Variants in EXOC6B observed in about 807,000 individuals in gnomAD.
EXOC6B encodes SEC15 homolog B.
In EXOC6B, 54 loss-of-function variants were observed where a neutral mutation model predicts 113.5. The observed-to-expected ratio is 0.48, with a 90% CI of 0.38 to 0.60. EXOC6B has a LOEUF of 0.60. EXOC6B is among the 20% of genes least tolerant of loss of function. EXOC6B has a pLI of 0.00. For missense variants in EXOC6B, 797 were observed against 977.5 expected (o/e 0.82, Z 2.46); for synonymous variants, 357 against 339.0 (o/e 1.05, Z -0.58).
At chr2:72,665,326 C>T (rs1675312858) in intron 6 of EXOC6B, among the ~76,000 whole-genome samples, 1 of 152,080 alleles carries the variant, frequency 6.6e-6, no homozygotes, top group Non-Finnish European at 1.5e-5. Context: ...AAGAGGTTGA[C>T]ATGCAAATTC....
chr2:72,465,995 C>T (rs538950609), intron 17 of EXOC6B, among the ~76,000 whole-genome samples: 2 of 152,264 alleles, frequency 1.3e-5, no homozygotes, highest in East Asian at 3.9e-4. Context: ...CAAAATCATT[C>T]TAATTCAACA....
chr2:72,302,789 C>T (rs554920298), intron 20 of EXOC6B, among the ~76,000 whole-genome samples: 2 of 151,958 alleles, frequency 1.3e-5, no homozygotes, highest in East Asian at 3.9e-4. Flanking sequence ...TTCAGCTTGC[C>T]ACTCCGTGCC....
At chr2:72,451,411 G>A (rs1696905700) in intron 18 of EXOC6B, among the ~76,000 whole-genome samples, 1 of 151,936 alleles carries the variant, frequency 6.6e-6, no homozygotes, top group Non-Finnish European at 1.5e-5. Flanking sequence ...AAAAATAGTA[G>A]GCCAATAAAA....
intron 6 of EXOC6B, among the ~76,000 whole-genome samples, chr2:72,630,516 C>T (rs1672319707): frequency 6.6e-6 from 1 of 152,120 alleles, no homozygotes; most frequent in South Asian, 2.1e-4. Context: ...ACTGAATATG[C>T]AAAACCTGTC....
intron 18 of EXOC6B, among the ~76,000 whole-genome samples, chr2:72,416,016 G>A (rs530754243): frequency 6.6e-6 from 1 of 152,132 alleles, no homozygotes; most frequent in African/African-American, 2.4e-5. Flanking sequence ...CAACTACAAG[G>A]GTTTATTTCT....
At chr2:72,518,530 G>A (rs1396187465) in intron 8 of EXOC6B, among the ~76,000 whole-genome samples, 1 of 151,508 alleles carries the variant, frequency 6.6e-6, no homozygotes, top group African/African-American at 2.4e-5. Flanking sequence ...GGTGGGTGGG[G>A]GAAGTGTCAA....
intron 20 of EXOC6B, among the ~76,000 whole-genome samples, chr2:72,260,701 T>C (rs986977872): frequency 6.6e-6 from 1 of 152,110 alleles, no homozygotes; most frequent in African/African-American, 2.4e-5. Context: ...TTCCTTGTAA[T>C]AGCCGCAATT....
At chr2:72,519,618 C>T (rs2105708688) in intron 8 of EXOC6B, among the ~76,000 whole-genome samples, 1 of 152,248 alleles carries the variant, frequency 6.6e-6, no homozygotes, top group Non-Finnish European at 1.5e-5. Context: ...GGAAACTAAA[C>T]CTGTATTTCT....
intron 19 of EXOC6B, among the ~76,000 whole-genome samples, chr2:72,360,907 G>A (rs1254291195): frequency 7.0e-6 from 1 of 142,926 alleles, no homozygotes; most frequent in Non-Finnish European, 1.5e-5. Flanking sequence ...CTCCAGCCTG[G>A]GCGATAAAGG....
intron 6 of EXOC6B, among the ~76,000 whole-genome samples, chr2:72,698,760 C>T (rs1238000396): frequency 3.3e-5 from 5 of 152,168 alleles, no homozygotes; most frequent in African/African-American, 2.4e-5. Flanking sequence ...AACTTGGCTA[C>T]TCAGAAAAGT....
chr2:72,354,297 T>C (rs989881540), intron 19 of EXOC6B: 1 of 152,360 alleles, frequency 6.6e-6, no homozygotes, highest in Non-Finnish European at 1.5e-5. Flanking sequence ...TGATCTTTCA[T>C]GTAGTAGATC....
At chr2:72,623,535 A>G (rs996443933) in intron 6 of EXOC6B, among the ~76,000 whole-genome samples, 2 of 152,164 alleles carry the variant, frequency 1.3e-5, no homozygotes, top group African/African-American at 2.4e-5. Context: ...CAACTAACCA[A>G]TTCTAACTTC....
At position 72,567,500 on chromosome 2, in the gene EXOC6B, G is replaced by A. The variant is rs151246706; in HGVS notation, c.847-7979C>T. 4.3e-3 allele frequency among the ~76,000 whole-genome samples: 647 copies of A among 152,070 alleles called. 7 individuals carry two copies. The highest frequency in any genetic ancestry group is 0.015 in the African/African-American group (616 of 41,534). ...GAATTAGAAGTACTAGCTTTAACTC[G>A]TGATTTATTTTTTTTAAGTCTACAC... On this transcript the variant is annotated intron_variant, in intron 7 of 21. Coordinates refer to ENST00000272427, the MANE Select transcript of EXOC6B (RefSeq NM_015189.3).
intron 6 of EXOC6B, among the ~76,000 whole-genome samples, chr2:72,675,261 G>T (rs1192776585): frequency 6.6e-6 from 1 of 152,176 alleles, no homozygotes; most frequent in African/African-American, 2.4e-5. Flanking sequence ...ATTAAAAAAT[G>T]AAAAGCTGAA....
intron 1 of EXOC6B, among the ~76,000 whole-genome samples, chr2:72,779,878 T>C (rs1327399953): frequency 1.3e-5 from 2 of 152,144 alleles, no homozygotes; most frequent in African/African-American, 4.8e-5. Flanking sequence ...AAAAGTCCAT[T>C]TTAGTACAAG....
At chr2:72,222,237 C>T (rs1428368171) in intron 20 of EXOC6B, among the ~76,000 whole-genome samples, 1 of 152,172 alleles carries the variant, frequency 6.6e-6, no homozygotes, top group Non-Finnish European at 1.5e-5. Context: ...AATACTATGA[C>T]TGCCACTCTA....
intron 20 of EXOC6B, among the ~76,000 whole-genome samples, chr2:72,189,860 CTTTTTT>C (rs57679690): frequency 3.4e-5 from 3 of 87,210 alleles, no homozygotes; most frequent in Middle Eastern, 6.3e-3. Flanking sequence ...CCTTCTTCTT[CTTTTTT>C]TTTTTTTTTT....
At chr2:72,761,110 G>A (rs1471717225) in intron 1 of EXOC6B, among the ~76,000 whole-genome samples, 2 of 152,086 alleles carry the variant, frequency 1.3e-5, no homozygotes, top group Admixed American at 6.6e-5. Flanking sequence ...AACCCAGGAG[G>A]AGGAGGTTGC....
At chr2:72,208,580 A>G (rs562436456) in intron 20 of EXOC6B, among the ~76,000 whole-genome samples, 1 of 152,044 alleles carries the variant, frequency 6.6e-6, no homozygotes, top group Non-Finnish European at 1.5e-5. Flanking sequence ...AGAATGATTT[A>G]TTTTCCTTTA....
Sources: gnomAD v4.1 joint callset for allele counts (sites outside exome capture counted in the v4.1 genomes callset) on GRCh38, gnomAD v4.1.1 for gene constraint, MANE v1.5 for transcripts, NCBI Gene and HGNC (gene_info 2026-07-23, HGNC 2026-07-21) for gene names.